Variants in CFTR observed in about 807,000 individuals in gnomAD.
CFTR encodes cystic fibrosis transmembrane conductance regulator.
CFTR carries 181 observed loss-of-function variants against 171.6 expected under a neutral mutation model. The ratio of observed to expected loss-of-function variants is 1.05; its 90% CI spans 0.93 to 1.19. The LOEUF (loss-of-function observed/expected upper bound fraction) is 1.19, where lower values mean the gene tolerates loss of function less well. Ranked by LOEUF, CFTR falls within the 50% of genes most tolerant of loss-of-function variation. CFTR has a pLI of 0.00. For synonymous variants in CFTR, 583 were observed against 608.0 expected, an observed-to-expected ratio of 0.96 and a Z score of 0.60; for missense variants, 1,968 against 1,734.7, an observed-to-expected ratio of 1.13 and a Z score of -2.39.
chr7:117,488,516 C>CT (rs1731526415), intron 1 of CFTR, among the ~76,000 whole-genome samples: 1 of 151,986 alleles, frequency 6.6e-6, no homozygotes, highest in Admixed American at 6.6e-5. Flanking sequence ...TTCATTGCCT[C>CT]TTTTTTTGGA....
chr7:117,558,550 T>A (rs1323071771), intron 10 of CFTR, among the ~76,000 whole-genome samples: 1 of 145,612 alleles, frequency 6.9e-6, no homozygotes, highest in Non-Finnish European at 1.5e-5. Context: ...TGAGACTCTG[T>A]CTCTAAATAA....
intron 3 of CFTR, among the ~76,000 whole-genome samples, chr7:117,526,083 G>A (rs990201762): frequency 6.6e-6 from 1 of 150,892 alleles, no homozygotes; most frequent in African/African-American, 2.5e-5. Flanking sequence ...GCCTGGTGGT[G>A]ACAAAATCTC....
chr7:117,627,249 T>C (rs747849309), intron 21 of CFTR, among the ~76,000 whole-genome samples: 30 of 152,132 alleles, frequency 2.0e-4, no homozygotes, highest in Non-Finnish European at 4.1e-4. Flanking sequence ...TGTCATCTAT[T>C]CCCTTGTGTG....
At chr7:117,491,021 C>T (rs931438964) in intron 1 of CFTR, among the ~76,000 whole-genome samples, 1 of 151,994 alleles carries the variant, frequency 6.6e-6, no homozygotes, top group Non-Finnish European at 1.5e-5. Context: ...GCAATTTTAT[C>T]GTTGTGAGAA....
intron 2 of CFTR, among the ~76,000 whole-genome samples, chr7:117,508,465 A>G (rs1271487796): frequency 6.6e-6 from 1 of 152,202 alleles, no homozygotes; most frequent in Non-Finnish European, 1.5e-5. Context: ...AAGACCTTTA[A>G]TACATGATTT....
intron 22 of CFTR, among the ~76,000 whole-genome samples, chr7:117,639,184 A>G (rs187049539): frequency 6.6e-6 from 1 of 152,314 alleles, no homozygotes; most frequent in East Asian, 1.9e-4. Context: ...AAGATGTGGT[A>G]TTACTTTCTT....
intron 24 of CFTR, among the ~76,000 whole-genome samples, chr7:117,656,921 T>C (rs867059616): frequency 4.6e-5 from 7 of 152,164 alleles, no homozygotes; most frequent in Admixed American, 3.3e-4. Context: ...CACTTACCCA[T>C]TGAGTGCCCA....
chr7:117,540,049 A>C (rs1457253291), intron 7 of CFTR, 51 bp from the exon 8 acceptor site: 3 of 1,488,434 alleles, frequency 2.0e-6, no homozygotes, highest in Non-Finnish European at 2.8e-6. Flanking sequence ...GATCCCTGAT[A>C]TTTGAAAAAT....
In CFTR at chr7:117,667,813, T is replaced by A; in HGVS notation, c.*705T>A. The stretch of plus-strand genomic sequence containing the variant: ...CAATATTTCAGATAATCACAATACA[T>A]CCCTTACCTGGGAAAGGGCTGTTAT... On this transcript the variant is annotated 3_prime_UTR_variant, in exon 27 of 27. Transcript: ENST00000003084. 6.4e-6 allele frequency: 1 copy of A among 155,210 alleles called. No individual in the cohort carries two copies. The highest frequency in any genetic ancestry group is 1.4e-5 in the Non-Finnish European group (1 of 69,824). 9.6% of individuals were successfully genotyped at this position (155,210 alleles called of 1,614,324 possible).
chr7:117,599,435 A>T (rs578001199), intron 15 of CFTR, among the ~76,000 whole-genome samples: 1 of 152,304 alleles, frequency 6.6e-6, no homozygotes, highest in African/African-American at 2.4e-5. Flanking sequence ...TCACTAAACC[A>T]AGAAAACAGT....
Position 117,480,141 on chromosome 7 carries a change from T to C in CFTR, c.47T>C (p.Phe16Ser). ...AAGGCCAGCGTTGTCTCCAAACTTT[T>C]TTTCAGGTGAGAAGGTGGCCAACCG... Reference protein sequence around the residue: ...LEKASVVSKLFFSWTRPILRK... With the variant: ...LEKASVVSKLSFSWTRPILRK... The change falls in exon 1 of 27, where the codon TTT becomes TCT. Residue 16 changes from phenylalanine (F) to serine (S), a missense_variant. Phe to Ser is a radical substitution (Grantham distance 155). Transcript: ENST00000003084. 6.2e-7 allele frequency: 1 copy of C among 1,613,772 alleles called. No individual in the cohort carries two copies. Among genetic ancestry groups the C allele is most frequent in the South Asian group, 1.1e-5 (1 of 91,070 alleles).
intron 1 of CFTR, among the ~76,000 whole-genome samples, chr7:117,501,917 A>G (rs536682064): frequency 1.3e-5 from 2 of 152,154 alleles, no homozygotes; most frequent in Non-Finnish European, 2.9e-5. Context: ...ATTCTATTGC[A>G]CTTTCATTGT....
At chr7:117,658,264 T>C (rs983245083) in intron 24 of CFTR, among the ~76,000 whole-genome samples, 1 of 152,132 alleles carries the variant, frequency 6.6e-6, no homozygotes, top group Non-Finnish European at 1.5e-5. Flanking sequence ...ACTTCTGGCA[T>C]TGTGGCCCAA....
chr7:117,586,037 G>A (rs35806580), intron 11 of CFTR, among the ~76,000 whole-genome samples: 51 of 152,302 alleles, frequency 3.3e-4, no homozygotes, highest in African/African-American at 1.2e-3. Flanking sequence ...TGTAATTGCT[G>A]TAAAACTGAA....
At position 117,587,743 on chromosome 7, in the gene CFTR, T is replaced by A. The variant is rs1338239866; in HGVS notation, c.1589T>A (p.Ile530Asn). Residue 530 changes from isoleucine (I) to asparagine (N), a missense_variant, in exon 12 of 27, where the codon ATC becomes AAC. Transcript: ENST00000003084. The stretch of plus-strand genomic sequence containing the variant: ...ATTTTCTATTTTTGGTAATAGGACA[T>A]CTCCAAGTTTGCAGAGAAAGACAAT... ...VIKACQLEEDISKFAEKDNIV... is the reference protein window; with the variant it reads ...VIKACQLEEDNSKFAEKDNIV... The A allele has an allele frequency of 1.3e-6, 2 of 1,598,872 alleles. No homozygotes were observed. The highest frequency in any genetic ancestry group is 3.3e-5 in the Admixed American group (2 of 59,850).
At chr7:117,585,809 T>C (rs1250630545) in intron 11 of CFTR, among the ~76,000 whole-genome samples, 1 of 152,084 alleles carries the variant, frequency 6.6e-6, no homozygotes, top group East Asian at 1.9e-4. Context: ...GCCCAGCTAA[T>C]TTAAAAGGAA....
At chr7:117,640,234 G>A (rs1792890185) in intron 22 of CFTR, among the ~76,000 whole-genome samples, 1 of 152,110 alleles carries the variant, frequency 6.6e-6, no homozygotes, top group African/African-American at 2.4e-5. Context: ...TTATGTGCCA[G>A]TTATATAAAC....
chr7:117,499,578 T>G (rs757291410), intron 1 of CFTR, among the ~76,000 whole-genome samples: 68 of 149,800 alleles, frequency 4.5e-4, no homozygotes, highest in Non-Finnish European at 6.9e-4. Context: ...AGTTTAAAAC[T>G]TATACATAGT....
chr7:117,624,791 C>T (rs1792627842), intron 21 of CFTR, among the ~76,000 whole-genome samples: 1 of 152,116 alleles, frequency 6.6e-6, no homozygotes. Context: ...AGTCCTTAGG[C>T]TTTGGCTTTT....
Sources: allele counts gnomAD v4.1 joint callset (sites outside exome capture counted in the v4.1 genomes callset), GRCh38; gene constraint gnomAD v4.1.1; transcripts MANE v1.5; gene names NCBI Gene and HGNC (gene_info 2026-07-23, HGNC 2026-07-21).